The following GALNT2 variants were observed in gnomAD, a reference collection of about 807,000 sequenced individuals.
GALNT2 encodes UDP-GalNAc:polypeptide N-acetylgalactosaminyltransferase 2.
In GALNT2, 31 loss-of-function variants were observed where a neutral mutation model predicts 81.4. That is an observed-to-expected ratio of 0.38 (90% confidence interval 0.29 to 0.51). The LOEUF (loss-of-function observed/expected upper bound fraction) is 0.51. GALNT2 is among the 20% of genes least tolerant of loss of function. GALNT2 has a pLI of 0.87. For missense variants in GALNT2, 629 were observed against 765.7 expected (o/e 0.82, Z 2.11); for synonymous variants, 303 against 287.4 (o/e 1.05, Z -0.55).
chr1:230,267,010 A>ACG (rs1167959701), intron 14 of GALNT2, among the ~76,000 whole-genome samples: 1 of 152,190 alleles, frequency 6.6e-6, no homozygotes, highest in Non-Finnish European at 1.5e-5. Context: ...ACACACACAC[A>ACG]CACACACAAT....
chr1:230,112,385 G>GC (rs951621907), intron 1 of GALNT2, among the ~76,000 whole-genome samples: 6 of 133,810 alleles, frequency 4.5e-5, no homozygotes, highest in Non-Finnish European at 8.3e-5. Flanking sequence ...GCCGGGGGAG[G>GC]GGGGGGGCCT....
intron 1 of GALNT2, among the ~76,000 whole-genome samples, chr1:230,126,139 A>C (rs1661169369): frequency 6.6e-6 from 1 of 152,098 alleles, no homozygotes; most frequent in Non-Finnish European, 1.5e-5. Flanking sequence ...TCCCTAGATG[A>C]GTGTGTGGGG....
intron 8 of GALNT2, 68 bp downstream of exon 8, chr1:230,246,218 T>C (rs1665365334): frequency 8.5e-7 from 1 of 1,178,758 alleles, no homozygotes. Flanking sequence ...CACCACTCCC[T>C]CTCATTGTCA....
At chr1:230,249,536 G>T (rs1322562685) in intron 9 of GALNT2, among the ~76,000 whole-genome samples, 1 of 152,314 alleles carries the variant, frequency 6.6e-6, no homozygotes, top group East Asian at 1.9e-4. Flanking sequence ...TGATAATGTA[G>T]AGCGTTTCTG....
At position 230,222,216 on chromosome 1, in the gene GALNT2, C is replaced by T. The variant is rs1225542108; in HGVS notation, c.375-13798C>T. Among the ~76,000 whole-genome samples the T allele has an allele frequency of 8.6e-5, 13 of 151,736 alleles. No individual in the cohort carries two copies. The South Asian group carries it at 1.7e-3, about 19-fold the overall frequency. ...TAATTTTTTGTATTTTTAGTAGAGA[C>T]GGGGTTTCACCATGTTAGCCAGAAT... On this transcript the variant is annotated intron_variant, in intron 3 of 15. Transcript: ENST00000366672.
At chr1:230,087,237 A>G (rs1659927868) in intron 1 of GALNT2, among the ~76,000 whole-genome samples, 1 of 152,222 alleles carries the variant, frequency 6.6e-6, no homozygotes, top group South Asian at 2.1e-4. Context: ...CTGCTGGGGC[A>G]TGCTTAGTTT....
intron 10 of GALNT2, among the ~76,000 whole-genome samples, chr1:230,253,455 G>A (rs1665612438): frequency 1.3e-5 from 2 of 152,166 alleles, no homozygotes; most frequent in African/African-American, 4.8e-5. Flanking sequence ...TGTATGGTCT[G>A]TGATGGACCC....
intron 7 of GALNT2, among the ~76,000 whole-genome samples, chr1:230,245,170 T>C (rs766680582): frequency 6.6e-6 from 1 of 151,402 alleles, no homozygotes; most frequent in Non-Finnish European, 1.5e-5. Context: ...TTTTTTTTAA[T>C]AGAATCACAG....
At chr1:230,095,766 G>T (rs995394394) in intron 1 of GALNT2, among the ~76,000 whole-genome samples, 7 of 152,200 alleles carry the variant, frequency 4.6e-5, no homozygotes, top group Non-Finnish European at 1.0e-4. Flanking sequence ...GGGCCTGGTA[G>T]CCCCACCTGG....
intron 3 of GALNT2, among the ~76,000 whole-genome samples, chr1:230,225,781 GA>G (rs1664691976): frequency 6.6e-6 from 1 of 151,288 alleles, no homozygotes. Flanking sequence ...CCACATTAGA[GA>G]ACTGTTTCAC....
chr1:230,167,237 C>T (rs1662637469), intron 1 of GALNT2, among the ~76,000 whole-genome samples: 1 of 152,082 alleles, frequency 6.6e-6, no homozygotes. Context: ...CCTCAAACTC[C>T]TGGGCTCAGG....
chr1:230,150,289 G>C (rs1244845440), intron 1 of GALNT2, among the ~76,000 whole-genome samples: 2 of 152,202 alleles, frequency 1.3e-5, no homozygotes, highest in African/African-American at 4.8e-5. Flanking sequence ...GGAAGCCTGA[G>C]ATGTAACACT....
chr1:230,118,264 C>T (rs1053196455), intron 1 of GALNT2, among the ~76,000 whole-genome samples: 1 of 152,166 alleles, frequency 6.6e-6, no homozygotes, highest in Non-Finnish European at 1.5e-5. Flanking sequence ...CAAAGGACAT[C>T]TTGGTTGTTT....
At chr1:230,260,076 AT>A (rs1558166201) in intron 11 of GALNT2, among the ~76,000 whole-genome samples, 1 of 152,188 alleles carries the variant, frequency 6.6e-6, no homozygotes, top group Non-Finnish European at 1.5e-5. Context: ...TCATTGTTAA[AT>A]TTTTTGCAAA....
intron 1 of GALNT2, among the ~76,000 whole-genome samples, chr1:230,118,229 A>C (rs1371626336): frequency 2.6e-5 from 4 of 152,180 alleles, no homozygotes; most frequent in Non-Finnish European, 4.4e-5. Context: ...CAGTTAATCC[A>C]TTTGCCTAGA....
intron 2 of GALNT2, among the ~76,000 whole-genome samples, chr1:230,179,845 A>G (rs919111848): frequency 6.6e-6 from 1 of 152,160 alleles, no homozygotes; most frequent in African/African-American, 2.4e-5. Context: ...TGTTTTCTCT[A>G]AAAAGTCTTC....
rs978297889 is a variant in GALNT2 at position 230,275,301 on chromosome 1, CATAT to C, written c.1560+741_1560+744del. On this transcript the variant is annotated intron_variant, in intron 15 of 15. Coordinates refer to ENST00000366672, the MANE Select transcript of GALNT2 (RefSeq NM_004481.5). This position sits in a 1 kb window ranked among gnomAD's most constrained non-coding sequence, Gnocchi z 5.5. ...CGTATATATAGATGCCACATTTATA[CATAT>C]ATAAACGCCACATATATATACACAC... 6.6e-6 allele frequency among the ~76,000 whole-genome samples: 1 copy of C among 151,304 alleles called. No individual in the cohort carries two copies. The highest frequency in any genetic ancestry group is 1.5e-5 in the Non-Finnish European group (1 of 67,782).
chr1:230,193,249 T>G lies in GALNT2; in HGVS notation c.221-9888T>G, dbSNP rs915569664. Among the ~76,000 whole-genome samples the G allele has an allele frequency of 6.6e-6, 1 of 152,228 alleles. No homozygotes were observed. The highest frequency in any genetic ancestry group is 6.5e-5 in the Admixed American group (1 of 15,286). On this transcript the variant is annotated intron_variant, in intron 2 of 15. Coordinates refer to ENST00000366672, the MANE Select transcript of GALNT2 (RefSeq NM_004481.5). The surrounding 1 kb of genome is among the most constrained non-coding windows in gnomAD (Gnocchi z 4.3). ...AGCAGTGAATACCTGTATAGAATCC[T>G]GAAGCCTCCTGCAGCCTGAATCCAC... is the stretch of plus-strand genomic sequence containing the variant.
chr1:230,068,864 G>C (rs1240946701), intron 1 of GALNT2, among the ~76,000 whole-genome samples: 1 of 152,190 alleles, frequency 6.6e-6, no homozygotes, highest in East Asian at 1.9e-4. Flanking sequence ...ATATGTACGC[G>C]AAGACTTGGT....
Sources: allele counts gnomAD v4.1 joint callset (sites outside exome capture counted in the v4.1 genomes callset), GRCh38; gene constraint gnomAD v4.1.1; non-coding constraint Gnocchi (gnomAD v3.1); transcripts MANE v1.5; gene names NCBI Gene and HGNC (gene_info 2026-07-23, HGNC 2026-07-21).